The following KLRD1 variants were observed in gnomAD, a reference collection of about 807,000 sequenced individuals.
KLRD1 encodes natural killer cells antigen CD94.
KLRD1 carries 21 observed loss-of-function variants against 22.6 expected under a neutral mutation model. The ratio of observed to expected loss-of-function variants is 0.93; its 90% CI spans 0.66 to 1.34. The LOEUF is 1.34. Among genes scored for constraint, KLRD1 ranks in the 40% most tolerant of loss-of-function variants. The pLI is 0.00. For missense variants in KLRD1, 183 were observed against 208.6 expected (o/e 0.88, Z 0.76); for synonymous variants, 59 against 71.1 (o/e 0.83, Z 0.85).
chr12:10,324,190 G>A lies in KLRD1; in HGVS notation c.*9397G>A, dbSNP rs1259843285. 1.3e-5 allele frequency: 2 copies of A among 152,064 alleles called. No homozygotes were observed. Among genetic ancestry groups the A allele is most frequent in the Non-Finnish European group, 2.9e-5 (2 of 68,032 alleles). The allele number at this position is 152,064 out of a possible 1,614,324, so 9.4% of individuals were successfully genotyped here. A position where few individuals can be genotyped will look rare whatever the true frequency, so the allele number is the denominator to read the frequency against. The stretch of plus-strand genomic sequence containing the variant: ...TCCTTTTTACTTCTGAGAGTCTTCT[G>A]ATCCTTGAGTAAAGTATGTTTCTTG... On this transcript the variant is annotated 3_prime_UTR_variant, in exon 6 of 6. Transcript: ENST00000336164.
At chr12:10,296,747 T>C (rs1353145950) in intron 1 of KLRD1, among the ~76,000 whole-genome samples, 1 of 152,070 alleles carries the variant, frequency 6.6e-6, no homozygotes, top group East Asian at 1.9e-4. Flanking sequence ...AGATGTGGAG[T>C]TGAACCTTCA....
chr12:10,268,859 A>T (rs1949523723), intron 1 of KLRD1, among the ~76,000 whole-genome samples: 1 of 152,316 alleles, frequency 6.6e-6, no homozygotes. Context: ...TCTCCTATTG[A>T]AACATCTCTT....
At position 10,328,461 on chromosome 12, in the gene KLRD1, C is replaced by T. The variant is rs1454289247; in HGVS notation, c.*13668C>T. 6.6e-6 allele frequency: 1 copy of T among 151,932 alleles called. No individual in the cohort carries two copies. The highest frequency in any genetic ancestry group is 1.5e-5 in the Non-Finnish European group (1 of 67,966). The allele number at this position is 151,932 out of a possible 1,614,324, so 9.4% of individuals were successfully genotyped here. On this transcript the variant is annotated 3_prime_UTR_variant, in exon 6 of 6. Transcript: ENST00000336164. Reference sequence around the variant, plus strand: ...TTGGCCTATAATTGTTCTTAGTTGTCTCTTACCATCTTTTATATTTCTGTG... The same window carrying T: ...TTGGCCTATAATTGTTCTTAGTTGTTTCTTACCATCTTTTATATTTCTGTG...
chr12:10,294,745 T>C (rs371747309), intron 1 of KLRD1, among the ~76,000 whole-genome samples: 3 of 152,168 alleles, frequency 2.0e-5, no homozygotes, highest in Non-Finnish European at 2.9e-5. Flanking sequence ...GATATCCAAA[T>C]TGGGTCCCAA....
chr12:10,271,744 A>G (rs1949551458), intron 1 of KLRD1, among the ~76,000 whole-genome samples: 1 of 152,174 alleles, frequency 6.6e-6, no homozygotes, highest in Non-Finnish European at 1.5e-5. Flanking sequence ...ATACATAAAC[A>G]TATAATTAAA....
At chr12:10,254,310 C>T (rs1949372462) in intron 1 of KLRD1, among the ~76,000 whole-genome samples, 2 of 151,066 alleles carry the variant, frequency 1.3e-5, no homozygotes, top group East Asian at 2.0e-4. Flanking sequence ...CGCCTGTAGT[C>T]CCAGCTACTC....
At chr12:10,245,036 A>G (rs1281149821) in intron 1 of KLRD1, among the ~76,000 whole-genome samples, 2 of 152,126 alleles carry the variant, frequency 1.3e-5, no homozygotes, top group African/African-American at 2.4e-5. Context: ...CATTTTACAT[A>G]TAAGGACACT....
chr12:10,270,681 G>A (rs1036527779), intron 1 of KLRD1, among the ~76,000 whole-genome samples: 2 of 152,072 alleles, frequency 1.3e-5, no homozygotes, highest in Non-Finnish European at 2.9e-5. Context: ...GTAGATATGC[G>A]CTGTTTATGA....
At chr12:10,252,185 C>G (rs1298372864) in intron 1 of KLRD1, among the ~76,000 whole-genome samples, 2 of 151,954 alleles carry the variant, frequency 1.3e-5, no homozygotes, top group African/African-American at 4.8e-5. Context: ...ACCTATAATC[C>G]CAGCACTTTG....
At chr12:10,301,520 T>C (rs1949866531), upstream of KLRD1, among the ~76,000 whole-genome samples, 1 of 152,170 alleles carries the variant, frequency 6.6e-6, no homozygotes, top group African/African-American at 2.4e-5. Flanking sequence ...CAAAAAATAT[T>C]TGGGGCTTGA....
At chr12:10,276,695 CAAAA>C (rs11318914) in intron 1 of KLRD1, among the ~76,000 whole-genome samples, 6 of 133,124 alleles carry the variant, frequency 4.5e-5, no homozygotes, top group African/African-American at 1.4e-4. Flanking sequence ...TAAAATTTGA[CAAAA>C]AAAAAAAAAA....
chr12:10,325,124 T>C lies in KLRD1; in HGVS notation c.*10331T>C, dbSNP rs2137754491. ...ATATTCACTTTTTTTACCTTTATAC[T>C]TAATTTTAGCTGTAGGATTTTCATA... On this transcript the variant is annotated 3_prime_UTR_variant, in exon 6 of 6. Transcript: ENST00000336164. The C allele has an allele frequency of 6.6e-6, 1 of 152,080 alleles. No individual in the cohort carries two copies. Among genetic ancestry groups the C allele is most frequent in the Admixed American group, 6.5e-5 (1 of 15,270 alleles). 9.4% of individuals were successfully genotyped at this position (152,080 alleles called of 1,614,324 possible).
chr12:10,307,700 ATGAATT>A (rs534969385), upstream of KLRD1: 39 of 170,370 alleles, frequency 2.3e-4, no homozygotes, highest in African/African-American at 9.0e-4. Context: ...ACCCTTTAAA[ATGAATT>A]TGATTTTCAA....
chr12:10,288,347 A>G (rs1466763773), intron 1 of KLRD1, among the ~76,000 whole-genome samples: 3 of 152,178 alleles, frequency 2.0e-5, no homozygotes, highest in South Asian at 2.1e-4. Flanking sequence ...TTATTATATA[A>G]TAAACCTACA....
chr12:10,283,428 C>A (rs1342404081), intron 1 of KLRD1, among the ~76,000 whole-genome samples: 1 of 152,126 alleles, frequency 6.6e-6, no homozygotes, highest in Non-Finnish European at 1.5e-5. Context: ...TGAGTAAGCT[C>A]TAGAGATCTG....
chr12:10,311,410 GA>G, intron 3 of KLRD1, 53 bp from the exon 4 acceptor site: 2 of 1,530,706 alleles, frequency 1.3e-6, no homozygotes, highest in East Asian at 4.5e-5. Context: ...AAATAGCATT[GA>G]AAAAAATGTC....
chr12:10,302,772 CA>C (rs201926634), upstream of KLRD1, among the ~76,000 whole-genome samples: 40 of 131,868 alleles, frequency 3.0e-4, no homozygotes, highest in Non-Finnish European at 3.2e-4. Flanking sequence ...AAAAACACCT[CA>C]AAAAAAAAAA....
intron 1 of KLRD1, among the ~76,000 whole-genome samples, chr12:10,277,114 G>GT (rs36020833): frequency 0.11 from 12,746 of 115,274 alleles, 1,077 homozygotes; most frequent in East Asian, 0.24. Context: ...GCCTCACAGA[G>GT]TTTTTTTTTT....
rs34512570 is a variant in KLRD1 at position 10,281,390 on chromosome 12, T to A, written c.-100-26588T>A. 7.9e-3 allele frequency among the ~76,000 whole-genome samples: 1,205 copies of A among 152,320 alleles called. 19 individuals are homozygous for A. The highest frequency in any genetic ancestry group is 0.028 in the African/African-American group (1,148 of 41,568). ...TTTTCTTACTAAATTTGTGCTTGTT[T>A]GTTACAGCAGCAATAGTATACTAAG... On this transcript the variant is annotated intron_variant, in intron 1 of 5. Coordinates refer to the KLRD1 transcript ENST00000544747.
Sources: allele counts gnomAD v4.1 joint callset (sites outside exome capture counted in the v4.1 genomes callset), GRCh38; gene constraint gnomAD v4.1.1; transcripts MANE v1.5; gene names NCBI Gene and HGNC (gene_info 2026-07-23, HGNC 2026-07-21).